The following PRRC2C variants were observed in gnomAD, a reference collection of about 807,000 sequenced individuals.
PRRC2C encodes the protein protein PRRC2C.
PRRC2C carries 72 observed loss-of-function variants against 317.2 expected under a neutral mutation model. The ratio of observed to expected loss-of-function variants is 0.23; its 90% CI spans 0.19 to 0.28. The LOEUF (loss-of-function observed/expected upper bound fraction) is 0.28, where lower values mean the gene tolerates loss of function less well. Among genes scored for constraint, PRRC2C ranks in the 10% least tolerant of loss-of-function variants. The probability of loss-of-function intolerance (pLI) is 1.00; values close to 1 mark genes in which losing one functional copy is unlikely to be tolerated. For synonymous variants in PRRC2C, 1,296 were observed against 1,205.9 expected (o/e 1.07, Z -1.55); for missense variants, 3,074 against 3,459.7 (o/e 0.89, Z 2.80).
chr1:171,541,786 A>G lies in PRRC2C; in HGVS notation c.4320A>G (p.Arg1440=). 2 of 1,613,982 alleles carry G rather than the reference A, an allele frequency of 1.2e-6. No homozygotes were observed. The highest frequency in any genetic ancestry group is 2.7e-5 in the African/African-American group (2 of 75,044). The part of the protein sequence containing the change: ...PPRQDKPPRF[R]RLREREAASK... ...GGCAAGACAAGCCACCTCGATTTAG[A>G]CGGCTAAGAGAGAGGGAGGCTGCTT... Residue 1440 remains arginine (R), a synonymous_variant, in exon 16 of 35, where the codon AGA becomes AGG. Coordinates refer to ENST00000647382, the MANE Select transcript of PRRC2C (RefSeq NM_001387844.1). The surrounding 1 kb of genome is among the most constrained non-coding windows in gnomAD (Gnocchi z 4.1).
intron 1 of PRRC2C, among the ~76,000 whole-genome samples, chr1:171,504,194 A>C (rs2102169405): frequency 6.6e-6 from 1 of 152,360 alleles, no homozygotes; most frequent in African/African-American, 2.4e-5. Flanking sequence ...TATTCTTGAT[A>C]AAAGTTCTTT....
chr1:171,544,369 C>A (rs1316896555), intron 16 of PRRC2C, among the ~76,000 whole-genome samples: 2 of 152,154 alleles, frequency 1.3e-5, no homozygotes, highest in Non-Finnish European at 2.9e-5. Context: ...GGTGATCTGC[C>A]CACCTCGGCC....
intron 16 of PRRC2C, among the ~76,000 whole-genome samples, chr1:171,543,989 C>T (rs1201050554): frequency 6.6e-6 from 1 of 152,168 alleles, no homozygotes; most frequent in Non-Finnish European, 1.5e-5. Flanking sequence ...CATTCATTAA[C>T]CTGTTAAGGA....
At chr1:171,587,498 T>C in intron 31 of PRRC2C, 150 bp from the exon 32 acceptor site, 3 of 631,548 alleles carry the variant, frequency 4.8e-6, no homozygotes, top group Non-Finnish European at 2.7e-6. Flanking sequence ...GGTCAGGTAA[T>C]TCCATAATAC....
intron 1 of PRRC2C, among the ~76,000 whole-genome samples, chr1:171,507,470 G>A (rs955873449): frequency 6.6e-6 from 1 of 152,108 alleles, no homozygotes; most frequent in Non-Finnish European, 1.5e-5. Flanking sequence ...AATTAGCCGG[G>A]CATGGTGGCA....
At chr1:171,578,701 C>T (rs781148334) in intron 26 of PRRC2C, among the ~76,000 whole-genome samples, 4 of 152,124 alleles carry the variant, frequency 2.6e-5, no homozygotes, top group Non-Finnish European at 5.9e-5. Flanking sequence ...AACCACGTCT[C>T]TACTAAAAAT....
intron 26 of PRRC2C, among the ~76,000 whole-genome samples, chr1:171,578,588 C>T (rs982705363): frequency 6.6e-6 from 1 of 152,146 alleles, no homozygotes; most frequent in South Asian, 2.1e-4. Flanking sequence ...AGCGAGTCAG[C>T]TAGGCACCGT....
rs1395944365 is a variant in PRRC2C, at chr1:171,540,279, A to T, written c.2813A>T (p.Asp938Val). The T allele has an allele frequency of 6.2e-7, 1 of 1,613,886 alleles. No homozygotes were observed. The highest frequency in any genetic ancestry group is 1.7e-5 in the Admixed American group (1 of 60,026). ...SHGSNHTQKP[D>V]EQRSEPSAGI... ...GGATCTAACCATACGCAAAAACCAG[A>T]CGAGCAGAGAAGTGAACCATCTGCA... The change falls in exon 16 of 35, where the codon GAC becomes GTC. Residue 938 changes from aspartate (D) to valine (V), a missense_variant. This residue lies in a region of PRRC2C where 1,320 missense variants were observed against 1,395.7 expected (regional missense o/e 0.95). Transcript: ENST00000647382.
intron 1 of PRRC2C, among the ~76,000 whole-genome samples, chr1:171,506,797 A>G (rs1298650143): frequency 6.6e-6 from 1 of 151,492 alleles, no homozygotes; most frequent in Non-Finnish European, 1.5e-5. Context: ...TGTGTCTAAA[A>G]TGCTAGTAAT....
rs1046074147 is a variant in PRRC2C, at chr1:171,532,437, G to A, written c.1349G>A (p.Arg450Lys). The A allele has an allele frequency of 1.2e-6, 2 of 1,613,822 alleles. No homozygotes were observed. Among genetic ancestry groups the A allele is most frequent in the African/African-American group, 2.7e-5 (2 of 74,934 alleles). ...GATGAAGATGAAATATGGAAGCAAAGACGAAGACAACAATCAGAAATTTCT... is the reference window on the plus strand; with the variant it reads ...GATGAAGATGAAATATGGAAGCAAAAACGAAGACAACAATCAGAAATTTCT... ...VADEDEIWKQ[R>K]RRQQSEISAA... The change falls in exon 12 of 35, where the codon AGA becomes AAA. Residue 450 changes from arginine to lysine, a missense_variant. By Grantham distance (26) the Arg-to-Lys change is conservative. This residue lies in a region of PRRC2C where 1,320 missense variants were observed against 1,395.7 expected (regional missense o/e 0.95). Transcript: ENST00000647382.
At chr1:171,501,589 G>A (rs1425255997) in intron 1 of PRRC2C, among the ~76,000 whole-genome samples, 1 of 152,186 alleles carries the variant, frequency 6.6e-6, no homozygotes, top group Non-Finnish European at 1.5e-5. Flanking sequence ...TGTTTTTACA[G>A]GCTGATCCTC....
Position 171,584,058 on chromosome 1 carries a change from C to T in PRRC2C, c.7512C>T (p.Ala2504=), listed in dbSNP as rs772955097. 7 of 1,613,746 alleles carry T rather than the reference C, an allele frequency of 4.3e-6. No homozygotes were observed. In the South Asian group the frequency reaches 6.6e-5, roughly 15 times the overall value. ...CAACTGTCCAACACCAAGAACTTGC[C>T]AAGGCACAATCCGGTCTTGCCTTTC... The part of the protein sequence containing the change: ...NFPTVQHQEL[A]KAQSGLAFQQ... Residue 2504 remains alanine (A), a synonymous_variant, in exon 29 of 35, where the codon GCC becomes GCT. Coordinates refer to ENST00000647382, the MANE Select transcript of PRRC2C (RefSeq NM_001387844.1).
chr1:171,487,690 T>G (rs924970126), intron 1 of PRRC2C, among the ~76,000 whole-genome samples: 12 of 152,146 alleles, frequency 7.9e-5, no homozygotes, highest in Non-Finnish European at 1.5e-4. Flanking sequence ...GAGGCTTTTA[T>G]AGGAGTAAAA....
chr1:171,492,586 C>T (rs1667352502), intron 1 of PRRC2C, among the ~76,000 whole-genome samples: 1 of 151,924 alleles, frequency 6.6e-6, no homozygotes, highest in Non-Finnish European at 1.5e-5. Flanking sequence ...AACAGGTTGC[C>T]TGAGGAGGGG....
chr1:171,530,416 T>C (rs1557927502), intron 11 of PRRC2C, among the ~76,000 whole-genome samples: 1 of 151,842 alleles, frequency 6.6e-6, no homozygotes, highest in Non-Finnish European at 1.5e-5. Context: ...GCTAATTTTT[T>C]TGTATTTTTT....
intron 22 of PRRC2C, 44 bp from the exon 23 acceptor site, chr1:171,568,199 CAATT>C: frequency 6.6e-7 from 1 of 1,525,312 alleles, no homozygotes; most frequent in South Asian, 1.2e-5. Flanking sequence ...AAGAAGTGAG[CAATT>C]AATTCAGTTT....
Position 171,591,875 on chromosome 1 carries a change from G to T in PRRC2C, c.*28G>T. On this transcript the variant is annotated 3_prime_UTR_variant, in exon 35 of 35. Transcript: ENST00000647382. ...GCTATGGTTTATTGCAGGGGATTGGGAGGGGGGCGGGAAAACATGGAGAAT... is the reference window on the plus strand; with the variant it reads ...GCTATGGTTTATTGCAGGGGATTGGTAGGGGGGCGGGAAAACATGGAGAAT... 1 of 670,364 alleles carries T rather than the reference G, an allele frequency of 1.5e-6. No homozygotes were observed. Among genetic ancestry groups the T allele is most frequent in the Non-Finnish European group, 2.5e-6 (1 of 407,016 alleles). The allele number at this position is 670,364 out of a possible 1,614,324, so 41.5% of individuals were successfully genotyped here.
Position 171,541,614 on chromosome 1 carries a change from A to T in PRRC2C, c.4148A>T (p.Glu1383Val), listed in dbSNP as rs142821409. 5.1e-4 allele frequency: 829 copies of T among 1,613,840 alleles called. No individual in the cohort carries two copies. Among genetic ancestry groups the T allele is most frequent in the Non-Finnish European group, 6.6e-4 (778 of 1,179,878 alleles). ...RDNQWNPRQS[E>V]VPKPEDGEPP... ...AATCAGTGGAACCCAAGGCAGTCAG[A>T]AGTTCCTAAACCAGAAGATGGAGAG... is the stretch of plus-strand genomic sequence containing the variant. The change falls in exon 16 of 35, where the codon GAA (glutamate) becomes GTA (valine). Residue 1383 changes from glutamate (E) to valine (V), a missense_variant. Glu to Val is a moderately radical substitution (Grantham distance 121). This residue lies in a region of PRRC2C where 1,320 missense variants were observed against 1,395.7 expected (regional missense o/e 0.95). Transcript: ENST00000647382. This position sits in a 1 kb window ranked among gnomAD's most constrained non-coding sequence, Gnocchi z 4.1.
chr1:171,559,509 GTTTTTTTTTTT>G (rs869093669), intron 19 of PRRC2C, among the ~76,000 whole-genome samples: 4 of 33,758 alleles, frequency 1.2e-4, no homozygotes, highest in African/African-American at 3.9e-4. Flanking sequence ...TACCAAGTTT[GTTTTTTTTTTT>G]TTTTTTTTTT....
Sources: gnomAD v4.1 joint callset for allele counts (sites outside exome capture counted in the v4.1 genomes callset) on GRCh38, gnomAD v4.1.1 for gene constraint, gnomAD v4.1.1 regional missense constraint, Gnocchi (gnomAD v3.1) non-coding constraint, MANE v1.5 for transcripts, NCBI Gene and HGNC (gene_info 2026-07-23, HGNC 2026-07-21) for gene names.